Variants in BNC2 observed in about 807,000 individuals in gnomAD.
BNC2 encodes the protein basonuclin zinc finger protein 2.
A neutral mutation model predicts 76.3 loss-of-function variants in BNC2; 20 were observed. That is an observed-to-expected ratio of 0.26 (90% CI 0.18 to 0.38). The LOEUF is 0.38. Among genes scored for constraint, BNC2 ranks in the 10% least tolerant of loss-of-function variants. The pLI, the probability that BNC2 is intolerant of heterozygous loss-of-function variation, is 1.00. For missense variants in BNC2, 1,382 were observed against 1,399.8 expected, an observed-to-expected ratio of 0.99 and a Z score of 0.20; for synonymous variants, 582 against 514.8, an observed-to-expected ratio of 1.13 and a Z score of -1.77.
At chr9:16,798,839 T>C (rs1217099874) in intron 1 of BNC2, among the ~76,000 whole-genome samples, 2 of 151,950 alleles carry the variant, frequency 1.3e-5, no homozygotes, top group Non-Finnish European at 2.9e-5. Context: ...AGGTAAACAA[T>C]CACGCACAAG....
At chr9:16,647,112 C>T (rs889759016) in intron 3 of BNC2, among the ~76,000 whole-genome samples, 1 of 152,124 alleles carries the variant, frequency 6.6e-6, no homozygotes, top group African/African-American at 2.4e-5. Context: ...TTCCCATGTA[C>T]ACTCATATTC....
chr9:16,660,463 A>T (rs953818328), intron 3 of BNC2, among the ~76,000 whole-genome samples: 24 of 152,120 alleles, frequency 1.6e-4, no homozygotes, highest in Non-Finnish European at 2.5e-4. Context: ...TCAAAAAAAA[A>T]AAAAAAATAC....
intron 1 of BNC2, among the ~76,000 whole-genome samples, chr9:16,833,260 A>C (rs1818625162): frequency 6.6e-6 from 1 of 152,198 alleles, no homozygotes; most frequent in African/African-American, 2.4e-5. Flanking sequence ...CTCTGCCTTC[A>C]AAGAGGACCA....
At chr9:16,694,956 G>C (rs1192370916) in intron 3 of BNC2, among the ~76,000 whole-genome samples, 2 of 152,186 alleles carry the variant, frequency 1.3e-5, no homozygotes, top group East Asian at 1.9e-4. Context: ...TATCAGACAG[G>C]TAAAAAGTGA....
chr9:16,495,167 C>CTAA (rs1822361093), intron 5 of BNC2, among the ~76,000 whole-genome samples: 1 of 152,106 alleles, frequency 6.6e-6, no homozygotes, highest in Non-Finnish European at 1.5e-5. Flanking sequence ...GGTGATAAAT[C>CTAA]ATCAGCCTCT....
At chr9:16,635,286 C>G (rs1254443398) in intron 3 of BNC2, among the ~76,000 whole-genome samples, 3 of 152,176 alleles carry the variant, frequency 2.0e-5, no homozygotes, top group African/African-American at 7.2e-5. Flanking sequence ...AGAAATTACT[C>G]TGAACACTAG....
chr9:16,594,177 C>A (rs1456750221), intron 3 of BNC2, among the ~76,000 whole-genome samples: 1 of 152,100 alleles, frequency 6.6e-6, no homozygotes, highest in African/African-American at 2.4e-5. Flanking sequence ...AGAAGCAAGA[C>A]AAGATGAAGC....
At position 16,506,511 on chromosome 9, in the gene BNC2, CTCTTT is replaced by C. The variant is rs1205446167; in HGVS notation, c.669+46014_669+46018del. On this transcript the variant is annotated intron_variant, in intron 5 of 6. Coordinates refer to ENST00000380672, the MANE Select transcript of BNC2 (RefSeq NM_017637.6). Reference sequence around the variant, plus strand: ...AAGTACACTTCTCTCTCTCTCTCTCCTCTTTTTTTTTTTTTTTTTTTTTTTTTTTT... The same window carrying C: ...AAGTACACTTCTCTCTCTCTCTCTCCTTTTTTTTTTTTTTTTTTTTTTTTT... Among the ~76,000 whole-genome samples, 12 of 81,446 alleles carry C rather than the reference CTCTTT, an allele frequency of 1.5e-4. 1 individual carries two copies. In the East Asian group the frequency reaches 4.7e-3, roughly 32 times the overall value. The allele number at this position is 81,446 out of a possible 152,430, so 53.4% of individuals were successfully genotyped here. A position where few individuals can be genotyped will look rare whatever the true frequency, so the allele number is the denominator to read the frequency against.
chr9:16,725,648 A>G (rs1824293918), intron 3 of BNC2, among the ~76,000 whole-genome samples: 1 of 152,156 alleles, frequency 6.6e-6, no homozygotes, highest in Non-Finnish European at 1.5e-5. Flanking sequence ...CTATATTTCT[A>G]TTCTCTCCAT....
chr9:16,632,778 G>C (rs936165141), intron 3 of BNC2, among the ~76,000 whole-genome samples: 5 of 152,178 alleles, frequency 3.3e-5, no homozygotes, highest in African/African-American at 1.2e-4. Flanking sequence ...GCAAGAGTGT[G>C]ATGCAAATTT....
chr9:16,700,951 A>G, intron 3 of BNC2, among the ~76,000 whole-genome samples: 1 of 152,286 alleles, frequency 6.6e-6, no homozygotes, highest in East Asian at 1.9e-4. Flanking sequence ...ATAAATAATA[A>G]ATAAAATTAT....
At chr9:16,771,565 T>A (rs1250883403) in intron 1 of BNC2, among the ~76,000 whole-genome samples, 1 of 152,156 alleles carries the variant, frequency 6.6e-6, no homozygotes. Context: ...ATATCCTGCA[T>A]GAATAGTCAG....
At chr9:16,458,665 T>A (rs997541094) in intron 5 of BNC2, among the ~76,000 whole-genome samples, 1 of 152,238 alleles carries the variant, frequency 6.6e-6, no homozygotes, top group Non-Finnish European at 1.5e-5. Context: ...AAGAACACAC[T>A]GACCTTCAGA....
At chr9:16,692,849 G>C (rs142412415) in intron 3 of BNC2, among the ~76,000 whole-genome samples, 1 of 152,284 alleles carries the variant, frequency 6.6e-6, no homozygotes, top group African/African-American at 2.4e-5. Flanking sequence ...TTCACTGGGT[G>C]CTGGGCGTCG....
At chr9:16,583,739 A>G (rs903570088) in intron 3 of BNC2, among the ~76,000 whole-genome samples, 1 of 152,200 alleles carries the variant, frequency 6.6e-6, no homozygotes, top group Non-Finnish European at 1.5e-5. Flanking sequence ...CAACAGTGAC[A>G]TAAGAAAGAA....
At chr9:16,709,710 G>C (rs1269696860) in intron 3 of BNC2, among the ~76,000 whole-genome samples, 2 of 152,180 alleles carry the variant, frequency 1.3e-5, no homozygotes, top group African/African-American at 4.8e-5. Flanking sequence ...TTTCTAACCT[G>C]TGGGAGAGAC....
chr9:16,437,192 T>C lies in BNC2; in HGVS notation c.1002A>G (p.Pro334=), dbSNP rs483353010. 4.5e-5 allele frequency: 72 copies of C among 1,614,032 alleles called. No homozygotes were observed. In the Middle Eastern group the frequency reaches 1.3e-3, roughly 29 times the overall value. The part of the protein sequence containing the change: ...PFQYINPVSA[P]LLGLPPNGLL... Reference sequence around the variant, plus strand: ...GCCCATTTGGAGGCAACCCTAGCAGTGGTGCTGAGACAGGGTTTATGTACT... The same window carrying C: ...GCCCATTTGGAGGCAACCCTAGCAGCGGTGCTGAGACAGGGTTTATGTACT... Residue 334 remains proline (P), a synonymous_variant, in exon 6 of 7, where the codon CCA becomes CCG. Transcript: ENST00000380672.
intron 5 of BNC2, among the ~76,000 whole-genome samples, chr9:16,438,017 G>A (rs1260209017): frequency 1.3e-5 from 2 of 152,058 alleles, no homozygotes; most frequent in African/African-American, 2.4e-5. Flanking sequence ...ATTCAATGAT[G>A]AAAATTCCTT....
chr9:16,444,757 CA>C (rs1245624072), intron 5 of BNC2, among the ~76,000 whole-genome samples: 1 of 152,168 alleles, frequency 6.6e-6, no homozygotes, highest in East Asian at 1.9e-4. Flanking sequence ...AACACTTATA[CA>C]TAATATGTGC....
Sources: gnomAD v4.1 joint callset for allele counts (sites outside exome capture counted in the v4.1 genomes callset) on GRCh38, gnomAD v4.1.1 for gene constraint, MANE v1.5 for transcripts, NCBI Gene and HGNC (gene_info 2026-07-23, HGNC 2026-07-21) for gene names.